LOXL3: variants seen among roughly 807,000 people sequenced by gnomAD.
The protein encoded by LOXL3 is lysyl oxidase like 3.
Under a neutral mutation model 91.8 loss-of-function variants are expected in LOXL3, and 60 were observed. The observed-to-expected ratio is 0.65, with a 90% CI of 0.53 to 0.81. LOXL3 has a LOEUF of 0.81. LOXL3 is among the 30% of genes least tolerant of loss of function. The probability of loss-of-function intolerance (pLI) is 0.00; values close to 1 mark genes in which losing one functional copy is unlikely to be tolerated. For synonymous variants in LOXL3, 355 were observed against 387.6 expected (o/e 0.92, Z 0.99); for missense variants, 874 against 1,000.4 (o/e 0.87, Z 1.70).
intron 2 of LOXL3, among the ~76,000 whole-genome samples, chr2:74,550,669 C>T (rs749737767): frequency 6.6e-6 from 1 of 152,154 alleles, no homozygotes; most frequent in Non-Finnish European, 1.5e-5. Flanking sequence ...CTACTGTGTG[C>T]CAGGTGCTCT....
Position 74,549,819 on chromosome 2 carries a change from C to A in LOXL3, c.478-236G>T, listed in dbSNP as rs7562200. ...AGGATTCAGGGCACTAGGAAGGAGGCCCTCCCTGTGCCTGGAGCAGGAGGG... is the reference window on the plus strand; with the variant it reads ...AGGATTCAGGGCACTAGGAAGGAGGACCTCCCTGTGCCTGGAGCAGGAGGG... On this transcript the variant is annotated intron_variant, in intron 3 of 13. Coordinates refer to ENST00000264094, the MANE Select transcript of LOXL3 (RefSeq NM_032603.5). This position sits in a 1 kb window ranked among gnomAD's most constrained non-coding sequence, Gnocchi z 5.3. The A allele has an allele frequency of 0.042, 41,133 of 985,300 alleles. 2,129 individuals carry two copies. The highest frequency in any genetic ancestry group is 0.24 in the African/African-American group (13,605 of 57,274). The allele number at this position is 985,300 out of a possible 1,614,324, so 61.0% of individuals were successfully genotyped here.
chr2:74,536,766 A>G lies in LOXL3; in HGVS notation c.855T>C (p.Pro285=), dbSNP rs781641303. 4 of 1,614,192 alleles carry G rather than the reference A, an allele frequency of 2.5e-6. No individual in the cohort carries two copies. The Admixed American group carries it at 6.7e-5, about 27-fold the overall frequency. The change falls in exon 5 of 14, where the codon CCT becomes CCC. Residue 285 remains proline (P), a synonymous_variant. Transcript: ENST00000264094. This position sits in a 1 kb window ranked among gnomAD's most constrained non-coding sequence, Gnocchi z 4.5. ...TCTGGCCACTGGATGCCGCGTAGAC[A>G]GGGCCTGGCACACAGCTCACCACTG... is the stretch of plus-strand genomic sequence containing the variant. The part of the protein sequence containing the change: ...GPAVVSCVPG[P]VYAASSGQKK...
chr2:74,534,743 C>G lies in LOXL3; in HGVS notation c.1611G>C (p.Leu537=). The change falls in exon 10 of 14, where the codon CTG becomes CTC. Residue 537 remains leucine, a synonymous_variant. Transcript: ENST00000264094. ...TASDLLLHSA[L]VQETAYIEDR... is the part of the protein sequence containing the mutation. Reference sequence around the variant, plus strand: ...CTTCGATGTAGGCGGTCTCCTGCACCAGTGCTGAGTGCAGCAACAGATCTG... The same window carrying G: ...CTTCGATGTAGGCGGTCTCCTGCACGAGTGCTGAGTGCAGCAACAGATCTG... 3 of 1,614,048 alleles carry G rather than the reference C, an allele frequency of 1.9e-6. No homozygotes were observed. The highest frequency in any genetic ancestry group is 2.5e-6 in the Non-Finnish European group (3 of 1,180,010).
Position 74,536,387 on chromosome 2 carries a change from C to T in LOXL3, c.997G>A (p.Asp333Asn). The T allele has an allele frequency of 6.2e-7, 1 of 1,614,162 alleles. No homozygotes were observed. The highest frequency in any genetic ancestry group is 1.7e-5 in the Admixed American group (1 of 60,024). ...LKASTWGTVC[D>N]RKWDLHAASV... The stretch of plus-strand genomic sequence containing the variant: ...GCTGCATGCAGGTCCCACTTGCGGT[C>T]ACAGACTGTGCCCCATGTGCTGGCC... Residue 333 changes from aspartate (D) to asparagine (N), a missense_variant, in exon 6 of 14, where the codon GAC becomes AAC. Coordinates refer to ENST00000264094, the MANE Select transcript of LOXL3 (RefSeq NM_032603.5). The surrounding 1 kb of genome is among the most constrained non-coding windows in gnomAD (Gnocchi z 4.5).
chr2:74,546,359 C>T (rs769573398), intron 4 of LOXL3, among the ~76,000 whole-genome samples: 1 of 152,170 alleles, frequency 6.6e-6, no homozygotes, highest in Non-Finnish European at 1.5e-5. Flanking sequence ...CCAGTGGTTC[C>T]TTATCTCCCA....
chr2:74,536,798 C>G lies in LOXL3; in HGVS notation c.823G>C (p.Gly275Arg), dbSNP rs778411968. The stretch of plus-strand genomic sequence containing the variant: ...GGCACACAGCTCACCACTGCAGGGC[C>G]CCCCCCAGGGCACCTGGCGGTGTCA... Reference protein sequence around the residue: ...ANDTARCPGGGPAVVSCVPGP... With the variant: ...ANDTARCPGGRPAVVSCVPGP... The change falls in exon 5 of 14, where the codon GGC (glycine) becomes CGC (arginine). Residue 275 changes from glycine (G) to arginine (R), a missense_variant. Coordinates refer to ENST00000264094, the MANE Select transcript of LOXL3 (RefSeq NM_032603.5). The surrounding 1 kb of genome is among the most constrained non-coding windows in gnomAD (Gnocchi z 4.5). 12 of 1,614,176 alleles carry G rather than the reference C, an allele frequency of 7.4e-6. No individual in the cohort carries two copies. The highest frequency in any genetic ancestry group is 5.9e-6 in the Non-Finnish European group (7 of 1,180,020).
chr2:74,545,958 A>T (rs1199542847), intron 4 of LOXL3, among the ~76,000 whole-genome samples: 1 of 152,160 alleles, frequency 6.6e-6, no homozygotes, highest in Non-Finnish European at 1.5e-5. Flanking sequence ...GTCTAAAACC[A>T]AGTTCCTACC....
intron 2 of LOXL3, 46 bp downstream of exon 2, chr2:74,552,276 G>A: frequency 1.9e-6 from 3 of 1,541,130 alleles, no homozygotes; most frequent in Non-Finnish European, 2.7e-6. Context: ...CCTGCACTTT[G>A]GCCACACATA....
At chr2:74,543,318 A>T (rs1482441767) in intron 4 of LOXL3, among the ~76,000 whole-genome samples, 1 of 152,094 alleles carries the variant, frequency 6.6e-6, no homozygotes, top group Non-Finnish European at 1.5e-5. Context: ...TATATGGTCT[A>T]ATTCACACCT....
In LOXL3 at chr2:74,536,604, G is replaced by A; in HGVS notation, c.912+105C>T. 6.8e-7 allele frequency: 1 copy of A among 1,461,030 alleles called. No homozygotes were observed. 90.5% of individuals were successfully genotyped at this position (1,461,030 alleles called of 1,614,324 possible). ...CAGGTCTGTGGCCCACCCCCTGGAA[G>A]GCTCCTCTCTGTCCTCAAAGGTCAG... On this transcript the variant is annotated intron_variant, in intron 5 of 13. Transcript: ENST00000264094. This position sits in a 1 kb window ranked among gnomAD's most constrained non-coding sequence, Gnocchi z 4.5.
At chr2:74,533,826 G>A (rs771635237) in intron 13 of LOXL3, 56 bp downstream of exon 13, 5 of 1,495,830 alleles carry the variant, frequency 3.3e-6, no homozygotes, top group Non-Finnish European at 3.7e-6. Context: ...AAAAGAGAAT[G>A]AACGTCTTTC....
Position 74,532,571 on chromosome 2 carries a change from GGGGAGAATGCCT to G in LOXL3, c.*1023_*1034del, listed in dbSNP as rs1675690466. The G allele has an allele frequency of 1.4e-6, 2 of 1,447,024 alleles. No individual in the cohort carries two copies. The allele number at this position is 1,447,024 out of a possible 1,614,324, so 89.6% of individuals were successfully genotyped here. A position where few individuals can be genotyped will look rare whatever the true frequency, so the allele number is the denominator to read the frequency against. The stretch of plus-strand genomic sequence containing the variant: ...AGAGACTTGAGGTGGAACTCAGGAT[GGGGAGAATGCCT>G]GGGTTTGGCTAATAGGGTGATCTGT... On this transcript the variant is annotated 3_prime_UTR_variant, in exon 14 of 14. Coordinates refer to ENST00000264094, the MANE Select transcript of LOXL3 (RefSeq NM_032603.5).
intron 1 of LOXL3, among the ~76,000 whole-genome samples, chr2:74,553,450 C>T (rs1677160156): frequency 6.6e-6 from 1 of 152,206 alleles, no homozygotes; most frequent in African/African-American, 2.4e-5. Flanking sequence ...AGCCTCCTGC[C>T]AACACCACCA....
In LOXL3 at chr2:74,535,272, T is replaced by C. The variant is rs1359859851; in HGVS notation, c.1579+20A>G. The C allele has an allele frequency of 5.0e-6, 8 of 1,600,022 alleles. No individual in the cohort carries two copies. The African/African-American group carries it at 5.4e-5, about 11-fold the overall frequency. On this transcript the variant is annotated intron_variant, in intron 9 of 13. Transcript: ENST00000264094. This position sits in a 1 kb window ranked among gnomAD's most constrained non-coding sequence, Gnocchi z 4.2. Reference sequence around the variant, plus strand: ...CAGACACTCCCTTCCCTGGCATGCATCACCCCCTCCTTCACTCACTCTCAG... The same window carrying C: ...CAGACACTCCCTTCCCTGGCATGCACCACCCCCTCCTTCACTCACTCTCAG...
Position 74,534,330 on chromosome 2 carries a change from G to GTTTC in LOXL3, c.1924_1925insGAAA (p.Thr642ArgfsTer3), listed in dbSNP as rs1675855221. The GTTTC allele has an allele frequency of 6.2e-7, 1 of 1,614,156 alleles. No individual in the cohort carries two copies. Among genetic ancestry groups the GTTTC allele is most frequent in the African/African-American group, 1.3e-5 (1 of 74,956 alleles). ...CCCCAACTCACCCTCCTGACACTCA[G>GTTTC]TGTCTTCGAGACAGAAACTAGCTTT... On this transcript the variant is annotated frameshift_variant, in exon 11 of 14. Transcript: ENST00000264094. LOFTEE classifies it high-confidence loss of function.
In LOXL3 at chr2:74,549,335, C is replaced by T. The variant is rs1676836323; in HGVS notation, c.692+34G>A. 3 of 1,533,308 alleles carry T rather than the reference C, an allele frequency of 2.0e-6. No individual in the cohort carries two copies. The highest frequency in any genetic ancestry group is 2.4e-5 in the South Asian group (2 of 82,886). 95.0% of individuals were successfully genotyped at this position (1,533,308 alleles called of 1,614,324 possible). A position where few individuals can be genotyped will look rare whatever the true frequency, so the allele number is the denominator to read the frequency against. On this transcript the variant is annotated intron_variant, in intron 4 of 13. Transcript: ENST00000264094. This position sits in a 1 kb window ranked among gnomAD's most constrained non-coding sequence, Gnocchi z 5.3. Reference sequence around the variant, plus strand: ...TATTCATCAGGGAGCACCCCAATCCCGGCCTGCTCCGCCCGGCGCCCGCGG... The same window carrying T: ...TATTCATCAGGGAGCACCCCAATCCTGGCCTGCTCCGCCCGGCGCCCGCGG...
intron 4 of LOXL3, among the ~76,000 whole-genome samples, chr2:74,546,184 C>T (rs776564945): frequency 6.6e-6 from 1 of 152,246 alleles, no homozygotes; most frequent in Non-Finnish European, 1.5e-5. Context: ...TGGTCACCAT[C>T]ACCTTTCACT....
In LOXL3 at chr2:74,535,792, T is replaced by C. The variant is rs747088685; in HGVS notation, c.1249-37A>G. Reference sequence around the variant, plus strand: ...CAGAATGGAAGCGCTGGAGAAAGCTTTGGGGTGAGGTAGTGGGAGTCTCTA... The same window carrying C: ...CAGAATGGAAGCGCTGGAGAAAGCTCTGGGGTGAGGTAGTGGGAGTCTCTA... On this transcript the variant is annotated intron_variant, in intron 7 of 13. Transcript: ENST00000264094. This position sits in a 1 kb window ranked among gnomAD's most constrained non-coding sequence, Gnocchi z 4.2. 2 of 1,529,458 alleles carry C rather than the reference T, an allele frequency of 1.3e-6. No homozygotes were observed. The highest frequency in any genetic ancestry group is 1.7e-6 in the Non-Finnish European group (2 of 1,144,352). 94.7% of individuals were successfully genotyped at this position (1,529,458 alleles called of 1,614,324 possible).
intron 4 of LOXL3, among the ~76,000 whole-genome samples, chr2:74,540,682 C>A (rs1048763253): frequency 7.4e-6 from 1 of 135,386 alleles, no homozygotes; most frequent in Non-Finnish European, 1.6e-5. Flanking sequence ...TTTTTTTGGT[C>A]TTTGAGACAG....
Sources: gnomAD v4.1 joint callset for allele counts (sites outside exome capture counted in the v4.1 genomes callset) on GRCh38, gnomAD v4.1.1 for gene constraint, Gnocchi (gnomAD v3.1) non-coding constraint, MANE v1.5 for transcripts, NCBI Gene and HGNC (gene_info 2026-07-23, HGNC 2026-07-21) for gene names.